The following RNF130 variants were observed in gnomAD, a reference collection of about 807,000 sequenced individuals.
The protein encoded by RNF130 is ring finger protein 130, also known as E3 ubiquitin-protein ligase RNF130.
Under a neutral mutation model 44.6 loss-of-function variants are expected in RNF130, and 21 were observed. The observed-to-expected ratio is 0.47, with a 90% CI of 0.33 to 0.68. The LOEUF (loss-of-function observed/expected upper bound fraction) is 0.68. Ranked by LOEUF, RNF130 falls within the 30% of genes least tolerant of loss-of-function variation. RNF130 has a pLI of 0.02. For missense variants in RNF130, 479 were observed against 560.6 expected (o/e 0.85, Z 1.47); for synonymous variants, 214 against 210.4 (o/e 1.02, Z -0.15).
intron 3 of RNF130, among the ~76,000 whole-genome samples, chr5:179,981,786 A>G (rs568151883): frequency 1.3e-5 from 2 of 152,234 alleles, no homozygotes; most frequent in African/African-American, 2.4e-5. Context: ...GAATCAAGAT[A>G]CAAAATCCAC....
chr5:179,984,207 A>C (rs957070360), intron 3 of RNF130, among the ~76,000 whole-genome samples: 1 of 152,196 alleles, frequency 6.6e-6, no homozygotes, highest in Non-Finnish European at 1.5e-5. Context: ...TCTACAGAAA[A>C]TAATGTTGTC....
chr5:179,985,139 C>T (rs1000312021), intron 3 of RNF130, among the ~76,000 whole-genome samples: 6 of 142,136 alleles, frequency 4.2e-5, no homozygotes, highest in Non-Finnish European at 6.0e-5. Flanking sequence ...ATCTTGAAAC[C>T]CTTTACCCCC....
At chr5:179,973,915 G>C (rs1762646337) in intron 5 of RNF130, among the ~76,000 whole-genome samples, 1 of 152,184 alleles carries the variant, frequency 6.6e-6, no homozygotes, top group Non-Finnish European at 1.5e-5. Flanking sequence ...TGGGGATACA[G>C]AACGAGAAAC....
chr5:180,050,121 T>A (rs989087827), intron 1 of RNF130, among the ~76,000 whole-genome samples: 13 of 152,240 alleles, frequency 8.5e-5, no homozygotes, highest in Admixed American at 8.5e-4. Context: ...CCACTCTCCC[T>A]ATGTCTAGCT....
chr5:180,043,175 A>T (rs548651480), intron 1 of RNF130, among the ~76,000 whole-genome samples: 23 of 152,256 alleles, frequency 1.5e-4, no homozygotes, highest in African/African-American at 4.1e-4. Flanking sequence ...AAACAAAAAA[A>T]TTAGCTAGGC....
At chr5:179,979,852 A>G (rs1041663914) in intron 4 of RNF130, among the ~76,000 whole-genome samples, 12 of 152,234 alleles carry the variant, frequency 7.9e-5, no homozygotes, top group African/African-American at 2.4e-5. Context: ...AGTCCCAGGA[A>G]GTATAGGAAG....
intron 2 of RNF130, among the ~76,000 whole-genome samples, chr5:180,025,690 T>C (rs896597518): frequency 2.0e-5 from 3 of 152,206 alleles, no homozygotes; most frequent in Non-Finnish European, 2.9e-5. Flanking sequence ...ATGTGCAAAC[T>C]CAGGCAAAAA....
In RNF130 at chr5:179,998,886, T is replaced by A. The variant is rs1207256877; in HGVS notation, c.693+14175A>T. Among the ~76,000 whole-genome samples the A allele has an allele frequency of 7.4e-4, 78 of 105,528 alleles. 1 individual carries two copies. Among genetic ancestry groups the A allele is most frequent in the East Asian group, 1.1e-3 (4 of 3,734 alleles). 69.2% of individuals were successfully genotyped at this position (105,528 alleles called of 152,430 possible). A position where few individuals can be genotyped will look rare whatever the true frequency, so the allele number is the denominator to read the frequency against. Reference sequence around the variant, plus strand: ...ATATATATATATATATATATATATGTTTTATATATCTGAGTGCTCCAGTGT... The same window carrying A: ...ATATATATATATATATATATATATGATTTATATATCTGAGTGCTCCAGTGT... On this transcript the variant is annotated intron_variant, in intron 3 of 8. Coordinates refer to ENST00000521389, the MANE Select transcript of RNF130 (RefSeq NM_018434.6).
chr5:179,972,840 T>C, intron 5 of RNF130, among the ~76,000 whole-genome samples: 1 of 152,182 alleles, frequency 6.6e-6, no homozygotes, highest in Non-Finnish European at 1.5e-5. Context: ...TAACCTGAAA[T>C]TAGTTATAAA....
At chr5:180,055,474 G>A (rs932860228) in intron 1 of RNF130, among the ~76,000 whole-genome samples, 4 of 151,822 alleles carry the variant, frequency 2.6e-5, no homozygotes, top group South Asian at 2.1e-4. Flanking sequence ...GTGTGTGCGC[G>A]CGCGCACGCG....
intron 2 of RNF130, among the ~76,000 whole-genome samples, chr5:180,016,840 TA>T (rs1461563980): frequency 1.3e-5 from 2 of 152,238 alleles, no homozygotes; most frequent in African/African-American, 2.4e-5. Context: ...CTGAACCAAT[TA>T]AGAGTAAACT....
chr5:179,929,381 G>C (rs930224048), intron 7 of RNF130, among the ~76,000 whole-genome samples: 2 of 152,150 alleles, frequency 1.3e-5, no homozygotes, highest in Non-Finnish European at 2.9e-5. Context: ...TTGATTTCCA[G>C]TATCTAAGTC....
intron 7 of RNF130, among the ~76,000 whole-genome samples, chr5:179,924,468 C>T (rs1347849499): frequency 2.7e-5 from 4 of 148,290 alleles, no homozygotes; most frequent in Non-Finnish European, 1.5e-5. Flanking sequence ...GCACTCCAGC[C>T]TGCGCAACAG....
intron 8 of RNF130, among the ~76,000 whole-genome samples, 158 bp from the exon 9 acceptor site, chr5:179,955,827 TC>T (rs1762200230): frequency 1.3e-5 from 2 of 152,202 alleles, no homozygotes; most frequent in Admixed American, 1.3e-4. Flanking sequence ...TTTCCCAAAA[TC>T]AGCAGTTTCA....
chr5:180,007,849 T>C (rs1321720228), intron 3 of RNF130, among the ~76,000 whole-genome samples: 1 of 152,206 alleles, frequency 6.6e-6, no homozygotes, highest in Non-Finnish European at 1.5e-5. Context: ...CGTGAGCCTT[T>C]GTTCCAACGT....
At chr5:180,041,991 C>T (rs1764431955) in intron 1 of RNF130, among the ~76,000 whole-genome samples, 1 of 152,138 alleles carries the variant, frequency 6.6e-6, no homozygotes, top group Non-Finnish European at 1.5e-5. Context: ...CTGCTTGAGC[C>T]ATGATCGCAC....
chr5:179,933,398 TTGTGTGTGTG>T (rs71001060), intron 7 of RNF130, among the ~76,000 whole-genome samples: 15 of 143,400 alleles, frequency 1.0e-4, no homozygotes, highest in African/African-American at 3.1e-4. Context: ...ATAACCCTAT[TTGTGTGTGTG>T]TGTGTGTGTG....
exon 8 of RNF130, chr5:179,915,065 A>C (rs971189365): frequency 7.6e-6 from 1 of 131,368 alleles, no homozygotes; most frequent in African/African-American, 2.8e-5. Context: ...GGTGCGGCTC[A>C]CACCTGTAAT....
intron 7 of RNF130, chr5:179,933,769 T>G (rs1761846059): frequency 1.1e-5 from 6 of 530,584 alleles, no homozygotes; most frequent in Non-Finnish European, 2.1e-5. Context: ...GCGATTCACC[T>G]AGGCAGCATT....
Sources: gnomAD v4.1 joint callset for allele counts (sites outside exome capture counted in the v4.1 genomes callset) on GRCh38, gnomAD v4.1.1 for gene constraint, MANE v1.5 for transcripts, NCBI Gene and HGNC (gene_info 2026-07-23, HGNC 2026-07-21) for gene names.